Variants in SLC26A4 observed in about 807,000 individuals in gnomAD.
SLC26A4 encodes the protein solute carrier family 26 member 4, also known as pendrin.
Under a neutral mutation model 90.4 loss-of-function variants are expected in SLC26A4, and 93 were observed. The observed-to-expected ratio is 1.03, with a 90% CI of 0.87 to 1.22. The LOEUF (loss-of-function observed/expected upper bound fraction) is 1.22, where lower values mean the gene tolerates loss of function less well. Ranked by LOEUF, SLC26A4 falls within the 50% of genes most tolerant of loss-of-function variation. SLC26A4 has a pLI of 0.00. For synonymous variants in SLC26A4, 393 were observed against 354.6 expected (o/e 1.11, Z -1.22); for missense variants, 1,127 against 946.2 (o/e 1.19, Z -2.51).
chr7:107,677,971 G>A (rs1482014749), intron 6 of SLC26A4, among the ~76,000 whole-genome samples: 1 of 152,038 alleles, frequency 6.6e-6, no homozygotes, highest in Non-Finnish European at 1.5e-5. Context: ...AGAGACAGGG[G>A]TTTTGCAATG....
intron 3 of SLC26A4, among the ~76,000 whole-genome samples, chr7:107,670,719 A>C (rs527368119): frequency 6.6e-6 from 1 of 152,254 alleles, no homozygotes; most frequent in East Asian, 1.9e-4. Context: ...ACTACTATAA[A>C]TGTAATTCCT....
rs746427774 is a variant in SLC26A4 at position 107,700,154 on chromosome 7, TA to T, written c.1692del (p.Lys564AsnfsTer19). Reference sequence around the variant, plus strand: ...TTTTCTATGGCAATGTCGATGGTTTTAAAAAATGTATCAAGTCCACAGTAAG... The same window carrying T: ...TTTTCTATGGCAATGTCGATGGTTTTAAAAATGTATCAAGTCCACAGTAAG... ...PIFYGNVDGF[K>X]KCIKSTVGFD... On this transcript the variant is annotated frameshift_variant, in exon 15 of 21. Transcript: ENST00000644269. LOFTEE classifies it high-confidence loss of function. 3.8e-6 allele frequency: 6 copies of T among 1,567,018 alleles called. No individual in the cohort carries two copies. Among genetic ancestry groups the T allele is most frequent in the Admixed American group, 1.7e-5 (1 of 59,954 alleles).
intron 10 of SLC26A4, chr7:107,692,125 A>T (rs1304907469): frequency 7.8e-7 from 1 of 1,275,722 alleles, no homozygotes; most frequent in Non-Finnish European, 1.0e-6. Flanking sequence ...GGTTTGGGGG[A>T]TAATGGTGCT....
chr7:107,692,617 A>G (rs1474487993), intron 10 of SLC26A4, among the ~76,000 whole-genome samples: 3 of 152,220 alleles, frequency 2.0e-5, no homozygotes, highest in African/African-American at 7.2e-5. Flanking sequence ...ATTGGTGGAC[A>G]CGAACTGTTT....
intron 14 of SLC26A4, among the ~76,000 whole-genome samples, 174 bp downstream of exon 14, chr7:107,698,285 C>T (rs1791796456): frequency 6.6e-6 from 1 of 151,564 alleles, no homozygotes; most frequent in African/African-American, 2.4e-5. Flanking sequence ...ACACCCATGG[C>T]TTATGTGAAT....
intron 8 of SLC26A4, among the ~76,000 whole-genome samples, chr7:107,685,522 A>G (rs909302975): frequency 6.6e-6 from 1 of 152,152 alleles, no homozygotes; most frequent in Non-Finnish European, 1.5e-5. Context: ...ATAAGTTAGG[A>G]TCACTCCTAA....
At chr7:107,700,904 C>T (rs2129318041) in intron 15 of SLC26A4, among the ~76,000 whole-genome samples, 197 bp from the exon 16 acceptor site, 1 of 152,214 alleles carries the variant, frequency 6.6e-6, no homozygotes, top group Non-Finnish European at 1.5e-5. Context: ...ATGCTACTGT[C>T]TTCTCAGAGC....
intron 4 of SLC26A4, among the ~76,000 whole-genome samples, chr7:107,673,508 A>G (rs1790930262): frequency 6.6e-6 from 1 of 152,108 alleles, no homozygotes; most frequent in Admixed American, 6.6e-5. Context: ...GAGCGGAACA[A>G]GTAAACACTC....
chr7:107,661,770 C>CTT lies in SLC26A4; in HGVS notation c.129_130insTT (p.Lys44LeufsTer23). On this transcript the variant is annotated frameshift_variant, in exon 2 of 21. Transcript: ENST00000644269. LOFTEE classifies it high-confidence loss of function. This position sits in a 1 kb window ranked among gnomAD's most constrained non-coding sequence, Gnocchi z 5.1. ...AGCACGAGCGGCGCCTGCAGGAGCG[C>CTT]AAGACGCTGCGGGAGAGCCTGGCCA... 1.3e-6 allele frequency: 2 copies of CTT among 1,541,848 alleles called. No individual in the cohort carries two copies. Among genetic ancestry groups the CTT allele is most frequent in the Non-Finnish European group, 1.7e-6 (2 of 1,147,762 alleles).
At chr7:107,673,205 A>G (rs1404739626) in intron 4 of SLC26A4, among the ~76,000 whole-genome samples, 6 of 152,200 alleles carry the variant, frequency 3.9e-5, no homozygotes, top group African/African-American at 1.4e-4. Flanking sequence ...AAAACCATAA[A>G]GCCTTCCATG....
chr7:107,687,872 C>T (rs1791461768), intron 8 of SLC26A4, among the ~76,000 whole-genome samples: 1 of 152,112 alleles, frequency 6.6e-6, no homozygotes, highest in South Asian at 2.1e-4. Context: ...GCTGAGTCGC[C>T]CAACTGTTGG....
Position 107,701,972 on chromosome 7 carries a change from T to C in SLC26A4, c.1949T>C (p.Val650Ala). Residue 650 changes from valine (V) to alanine (A), a missense_variant, in exon 17 of 21, where the codon GTT (valine) becomes GCT (alanine). Transcript: ENST00000644269. ...WNSELPVKVN[V>A]PKVPIHSLVL... ...TCTGAGCTTCCAGTCAAAGTGAACG[T>C]TCCCAAAGTGCCAATCCATAGCCTT... The C allele has an allele frequency of 6.2e-7, 1 of 1,614,010 alleles. No homozygotes were observed. The highest frequency in any genetic ancestry group is 1.1e-5 in the South Asian group (1 of 91,082).
chr7:107,684,936 GTTTAGGGAACTCA>G (rs6150277), intron 8 of SLC26A4, among the ~76,000 whole-genome samples: 36,478 of 152,102 alleles, frequency 0.24, 4,573 homozygotes, highest in South Asian at 0.4. Flanking sequence ...CCATTAGTTG[GTTTAGGGAACTCA>G]TTTCTTCTGC....
In SLC26A4 at chr7:107,661,625, C is replaced by G; in HGVS notation, c.-3-14C>G. 1 of 1,552,896 alleles carries G rather than the reference C, an allele frequency of 6.4e-7. No homozygotes were observed. The highest frequency in any genetic ancestry group is 1.2e-5 in the South Asian group (1 of 84,950). On this transcript the variant is annotated splice_polypyrimidine_tract_variant and intron_variant, in intron 1 of 20. Coordinates refer to ENST00000644269, the MANE Select transcript of SLC26A4 (RefSeq NM_000441.2). This position sits in a 1 kb window ranked among gnomAD's most constrained non-coding sequence, Gnocchi z 5.1. ...ACCGCGTGTCCTCCCTCCTCGCTGT[C>G]CTCTGGCTCGCAGGTCATGGCAGCG...
At chr7:107,662,465 T>A (rs1324566188) in intron 2 of SLC26A4, among the ~76,000 whole-genome samples, 2 of 150,608 alleles carry the variant, frequency 1.3e-5, no homozygotes, top group Non-Finnish European at 3.0e-5. Context: ...ACCCCCACCG[T>A]TTTTAACCCA....
chr7:107,677,260 T>C (rs192075925), intron 6 of SLC26A4, among the ~76,000 whole-genome samples: 2 of 152,174 alleles, frequency 1.3e-5, no homozygotes, highest in African/African-American at 4.8e-5. Flanking sequence ...CAGACTTGAG[T>C]TGGCATCTTG....
rs757136899 is a variant in SLC26A4 at position 107,696,009 on chromosome 7, G to T, written c.1514G>T (p.Gly505Val). Reference protein sequence around the residue: ...DLGLLAGLIFGLLTVVLRVQF... With the variant: ...DLGLLAGLIFVLLTVVLRVQF... Reference sequence around the variant, plus strand: ...GGTTTACTAGCTGGCCTTATATTTGGACTGTTGACTGTGGTCCTGAGAGTT... The same window carrying T: ...GGTTTACTAGCTGGCCTTATATTTGTACTGTTGACTGTGGTCCTGAGAGTT... Residue 505 changes from glycine to valine, a missense_variant, in exon 13 of 21, where the codon GGA becomes GTA. Transcript: ENST00000644269. 6.2e-7 allele frequency: 1 copy of T among 1,609,788 alleles called. No homozygotes were observed. Among genetic ancestry groups the T allele is most frequent in the Non-Finnish European group, 8.5e-7 (1 of 1,176,396 alleles).
In SLC26A4 at chr7:107,689,216, T is replaced by G. The variant is rs1168016805; in HGVS notation, c.1149+16T>G. 1.2e-5 allele frequency: 19 copies of G among 1,613,272 alleles called. No individual in the cohort carries two copies. Among genetic ancestry groups the G allele is most frequent in the Non-Finnish European group, 1.6e-5 (19 of 1,179,406 alleles). ...TGGGAACCAGGTATGGGTGCCCTTT[T>G]GCTGAACTGGTTTTATAGGGCTGGA... On this transcript the variant is annotated intron_variant, in intron 9 of 20. Transcript: ENST00000644269.
In SLC26A4 at chr7:107,707,177, A is replaced by G. The variant is rs570952062; in HGVS notation, c.2089+2792A>G. Among the ~76,000 whole-genome samples the G allele has an allele frequency of 2.0e-4, 30 of 152,314 alleles. No individual in the cohort carries two copies. The South Asian group carries it at 5.8e-3, about 29-fold the overall frequency. ...AGTATGCTTAACCAAGTGGCTGTAA[A>G]CTGCAGATAGCTTTAAAGAAAAATT... On this transcript the variant is annotated intron_variant, in intron 18 of 20. Coordinates refer to ENST00000644269, the MANE Select transcript of SLC26A4 (RefSeq NM_000441.2).
Sources: allele counts gnomAD v4.1 joint callset (sites outside exome capture counted in the v4.1 genomes callset), GRCh38; gene constraint gnomAD v4.1.1; non-coding constraint Gnocchi (gnomAD v3.1); transcripts MANE v1.5; gene names NCBI Gene and HGNC (gene_info 2026-07-23, HGNC 2026-07-21).